SUGCT: variants seen among roughly 807,000 people sequenced by gnomAD.
SUGCT encodes succinyl-CoA:glutarate CoA-transferase.
A neutral mutation model predicts 55.0 loss-of-function variants in SUGCT; 41 were observed. The ratio of observed to expected loss-of-function variants is 0.74; its 90% CI spans 0.58 to 0.97. SUGCT has a LOEUF of 0.97. Ranked by LOEUF, SUGCT falls within the 50% of genes least tolerant of loss-of-function variation. The pLI, the probability that SUGCT is intolerant of heterozygous loss-of-function variation, is 0.00. For missense variants in SUGCT, 568 were observed against 547.8 expected (o/e 1.04, Z -0.37); for synonymous variants, 187 against 200.4 (o/e 0.93, Z 0.56).
chr7:40,968,599 A>G, the SUGCT span, among the ~76,000 whole-genome samples: 1 of 152,202 alleles, frequency 6.6e-6, no homozygotes. Flanking sequence ...TCTAGAAGAG[A>G]CATCGAAAAA....
At chr7:40,268,471 G>T (rs993916515) in intron 7 of SUGCT, among the ~76,000 whole-genome samples, 3 of 152,142 alleles carry the variant, frequency 2.0e-5, no homozygotes, top group African/African-American at 7.2e-5. Flanking sequence ...TATTGTATTA[G>T]TAGAATAGTT....
chr7:40,858,482 C>A (rs533633626), intron 13 of SUGCT, among the ~76,000 whole-genome samples: 1 of 150,144 alleles, frequency 6.7e-6, no homozygotes, highest in Non-Finnish European at 1.5e-5. Flanking sequence ...TGTCTTGCTT[C>A]AGGTAATTCA....
At chr7:40,463,863 A>T (rs561314537) in intron 11 of SUGCT, among the ~76,000 whole-genome samples, 1 of 152,196 alleles carries the variant, frequency 6.6e-6, no homozygotes, top group Non-Finnish European at 1.5e-5. Flanking sequence ...AAACTCAATC[A>T]TGTTAAAAAT....
intron 5 of SUGCT, 55 bp downstream of exon 5, chr7:40,189,649 GA>G: frequency 1.0e-6 from 1 of 979,934 alleles, no homozygotes; most frequent in Non-Finnish European, 1.4e-6. Context: ...TTAGGGTTTG[GA>G]ATATCAGAGC....
the SUGCT span, among the ~76,000 whole-genome samples, chr7:40,888,383 G>A: frequency 2.6e-5 from 4 of 151,250 alleles, no homozygotes; most frequent in Admixed American, 6.6e-5. Context: ...CCCGGGAAGC[G>A]AAAGTTGCAG....
the SUGCT span, among the ~76,000 whole-genome samples, chr7:40,957,214 G>C: frequency 6.6e-6 from 1 of 152,134 alleles, no homozygotes; most frequent in African/African-American, 2.4e-5. Flanking sequence ...TATTGACAGT[G>C]GGGTGTAAAA....
chr7:40,269,512 G>T lies in SUGCT; in HGVS notation c.577-5001G>T, dbSNP rs1294195357. ...TAATTTTTGTATTTATCGTAGAGAT[G>T]TGGACTTGCTTTTTTGCCTAGGCTT... is the stretch of plus-strand genomic sequence containing the variant. On this transcript the variant is annotated intron_variant, in intron 7 of 13. Transcript: ENST00000335693. 2.0e-5 allele frequency among the ~76,000 whole-genome samples: 3 copies of T among 151,982 alleles called. No individual in the cohort carries two copies. In the East Asian group the frequency reaches 5.8e-4, roughly 29 times the overall value.
intron 9 of SUGCT, among the ~76,000 whole-genome samples, chr7:40,350,392 C>A (rs555762286): frequency 7.3e-4 from 111 of 151,556 alleles, no homozygotes; most frequent in African/African-American, 2.6e-3. Context: ...CAGTTCACTG[C>A]AGCCTCTGCC....
intron 13 of SUGCT, among the ~76,000 whole-genome samples, chr7:40,840,041 T>C (rs1793196633): frequency 6.6e-6 from 1 of 152,150 alleles, no homozygotes; most frequent in South Asian, 2.1e-4. Context: ...AAAAAACAGA[T>C]GACTCAGTGC....
chr7:40,898,698 A>T, the SUGCT span, among the ~76,000 whole-genome samples: 3 of 142,890 alleles, frequency 2.1e-5, no homozygotes, highest in Non-Finnish European at 4.6e-5. Context: ...GACTCCGTCT[A>T]AAAAAAAAAA....
chr7:40,184,234 A>G (rs1785371769), intron 3 of SUGCT, among the ~76,000 whole-genome samples: 1 of 152,174 alleles, frequency 6.6e-6, no homozygotes, highest in African/African-American at 2.4e-5. Flanking sequence ...TAAAGGGCAC[A>G]GTCCATGTTT....
At chr7:40,258,313 T>C (rs1027539353) in intron 7 of SUGCT, among the ~76,000 whole-genome samples, 2 of 152,254 alleles carry the variant, frequency 1.3e-5, no homozygotes, top group African/African-American at 4.8e-5. Context: ...TTCTGTCATT[T>C]GGTGTAACGT....
chr7:40,301,030 A>C (rs17171676), intron 8 of SUGCT, among the ~76,000 whole-genome samples: 10,251 of 152,192 alleles, frequency 0.067, 701 homozygotes, highest in African/African-American at 0.17. Context: ...TGTTTGAAGT[A>C]AGTCTTCTAG....
intron 1 of SUGCT, among the ~76,000 whole-genome samples, chr7:40,137,229 G>A (rs1043229525): frequency 6.6e-5 from 10 of 152,120 alleles, no homozygotes; most frequent in African/African-American, 1.4e-4. Flanking sequence ...CTGGGCTCAA[G>A]TGATCTTCCC....
At chr7:40,452,321 A>G (rs1320858501) in intron 10 of SUGCT, among the ~76,000 whole-genome samples, 1 of 152,224 alleles carries the variant, frequency 6.6e-6, no homozygotes, top group African/African-American at 2.4e-5. Flanking sequence ...GTATTCCTAT[A>G]TGAAATATTG....
chr7:40,651,239 A>G (rs769089253), intron 12 of SUGCT, among the ~76,000 whole-genome samples: 2 of 152,190 alleles, frequency 1.3e-5, no homozygotes, highest in Non-Finnish European at 2.9e-5. Flanking sequence ...ATCTCTCTGC[A>G]CTTCACCAGC....
chr7:40,799,413 A>C (rs2128749831), intron 13 of SUGCT, among the ~76,000 whole-genome samples: 1 of 152,326 alleles, frequency 6.6e-6, no homozygotes, highest in East Asian at 1.9e-4. Context: ...TTTTGTGTGA[A>C]AGATTGACAA....
the SUGCT span, among the ~76,000 whole-genome samples, chr7:40,940,235 A>G: frequency 6.6e-6 from 1 of 152,098 alleles, no homozygotes; most frequent in African/African-American, 2.4e-5. Context: ...ATTAGTCTAT[A>G]TATCTACTTT....
chr7:40,260,813 G>A (rs1303344507), intron 7 of SUGCT, among the ~76,000 whole-genome samples: 2 of 151,956 alleles, frequency 1.3e-5, no homozygotes, highest in African/African-American at 4.8e-5. Context: ...CACCATGCCT[G>A]GCTAATTTTT....
Sources: allele counts gnomAD v4.1 joint callset (sites outside exome capture counted in the v4.1 genomes callset), GRCh38; gene constraint gnomAD v4.1.1; transcripts MANE v1.5; gene names NCBI Gene and HGNC (gene_info 2026-07-23, HGNC 2026-07-21).